The following DNM3 variants were observed in gnomAD, a reference collection of about 807,000 sequenced individuals.
The protein encoded by DNM3 is dynamin 3.
DNM3 carries 47 observed loss-of-function variants against 101.6 expected under a neutral mutation model. That is an observed-to-expected ratio of 0.46 (90% CI 0.37 to 0.59). DNM3 has a LOEUF of 0.59. DNM3 is among the 20% of genes least tolerant of loss of function. DNM3 has a pLI of 0.00. For synonymous variants in DNM3, 385 were observed against 387.9 expected (o/e 0.99, Z 0.09); for missense variants, 849 against 1,085.7 (o/e 0.78, Z 3.06).
Position 172,133,135 on chromosome 1 carries a change from ACT to A in DNM3, c.1659+1850_1659+1851del, listed in dbSNP as rs2057030862. Reference sequence around the variant, plus strand: ...GGTGTTAGCAGCAGAGACACTGAAGACTCTGGAGTAGCTACTGCTGTTGGAGT... The same window carrying A: ...GGTGTTAGCAGCAGAGACACTGAAGACTGGAGTAGCTACTGCTGTTGGAGT... On this transcript the variant is annotated intron_variant, in intron 14 of 20. Transcript: ENST00000627582. 2 of 1,384,620 alleles carry A rather than the reference ACT, an allele frequency of 1.4e-6. 1 individual carries two copies. Among genetic ancestry groups the A allele is most frequent in the East Asian group, 5.4e-5 (2 of 37,188 alleles). The allele number at this position is 1,384,620 out of a possible 1,614,324, so 85.8% of individuals were successfully genotyped here.
At chr1:171,865,515 C>CAAAAAAAAAAAAAAAA (rs57826674) in intron 1 of DNM3, among the ~76,000 whole-genome samples, 3 of 80,664 alleles carry the variant, frequency 3.7e-5, no homozygotes, top group Non-Finnish European at 7.0e-5. Context: ...GATCCTGTCT[C>CAAAAAAAAAAAAAAAA]AAAAAAAAAA....
intron 14 of DNM3, among the ~76,000 whole-genome samples, chr1:172,197,671 C>T (rs1170721404): frequency 6.6e-6 from 1 of 151,716 alleles, no homozygotes; most frequent in Non-Finnish European, 1.5e-5. Flanking sequence ...TTTTGTGGCA[C>T]TTATGAATGG....
downstream of DNM3, among the ~76,000 whole-genome samples, chr1:172,413,216 T>G (rs1186374181): frequency 1.3e-5 from 2 of 152,116 alleles, no homozygotes; most frequent in Non-Finnish European, 2.9e-5. Context: ...CCTTTCAGTT[T>G]CCCCAGTTTT....
chr1:172,308,532 T>A (rs1165547336), intron 15 of DNM3, among the ~76,000 whole-genome samples, 196 bp from the exon 16 acceptor site: 1 of 152,078 alleles, frequency 6.6e-6, no homozygotes, highest in Non-Finnish European at 1.5e-5. Context: ...ATGTGATTTT[T>A]TAAAAAATTA....
chr1:172,109,742 G>T (rs2055320979), intron 13 of DNM3, among the ~76,000 whole-genome samples: 1 of 152,148 alleles, frequency 6.6e-6, no homozygotes, highest in Non-Finnish European at 1.5e-5. Context: ...CAGAATGCCT[G>T]TTACTTATAT....
intron 4 of DNM3, among the ~76,000 whole-genome samples, chr1:172,018,758 G>A (rs887870182): frequency 3.9e-5 from 6 of 152,138 alleles, no homozygotes; most frequent in African/African-American, 1.4e-4. Context: ...TTATCTGTTA[G>A]ATCAATTAAG....
chr1:172,301,879 G>T (rs2064469823), intron 15 of DNM3, among the ~76,000 whole-genome samples: 1 of 152,152 alleles, frequency 6.6e-6, no homozygotes, highest in South Asian at 2.1e-4. Flanking sequence ...TAGGTACAAT[G>T]AAAGGGTATA....
intron 2 of DNM3, among the ~76,000 whole-genome samples, chr1:171,940,390 T>C (rs2041732529): frequency 6.6e-6 from 1 of 152,190 alleles, no homozygotes; most frequent in Non-Finnish European, 1.5e-5. Flanking sequence ...AACAGAGAGG[T>C]TGCCAGTTTG....
chr1:172,133,071 A>G, intron 14 of DNM3: 1 of 1,450,666 alleles, frequency 6.9e-7, no homozygotes, highest in Non-Finnish European at 9.0e-7. Flanking sequence ...AGGACTTATG[A>G]AGATGAATTC....
At chr1:172,025,993 T>A (rs540606885) in intron 4 of DNM3, among the ~76,000 whole-genome samples, 12 of 152,072 alleles carry the variant, frequency 7.9e-5, no homozygotes, top group African/African-American at 2.9e-4. Flanking sequence ...ACAAGGTGGG[T>A]AATAACAAAC....
intron 14 of DNM3, among the ~76,000 whole-genome samples, chr1:172,236,041 G>A (rs146138397): frequency 3.9e-5 from 6 of 152,238 alleles, no homozygotes; most frequent in East Asian, 1.9e-4. Flanking sequence ...CCATACAGGC[G>A]TATGCCAAAT....
At chr1:171,902,671 T>C (rs956944249) in intron 1 of DNM3, among the ~76,000 whole-genome samples, 3 of 152,144 alleles carry the variant, frequency 2.0e-5, no homozygotes, top group Non-Finnish European at 4.4e-5. Flanking sequence ...CCGTCTTTTA[T>C]GTTGAAATTC....
chr1:172,051,378 A>T (rs529888100), intron 10 of DNM3, among the ~76,000 whole-genome samples: 1 of 152,182 alleles, frequency 6.6e-6, no homozygotes, highest in East Asian at 1.9e-4. Context: ...TTTCCTCTCC[A>T]TACCCAATTC....
At chr1:171,921,849 G>C (rs2040197334) in intron 2 of DNM3, 28 bp downstream of exon 2, 1 of 1,573,314 alleles carries the variant, frequency 6.4e-7, no homozygotes, top group Non-Finnish European at 8.7e-7. Flanking sequence ...TTACCGCATG[G>C]ATGGGCACAT....
chr1:172,229,439 A>G (rs1056600177), intron 14 of DNM3, among the ~76,000 whole-genome samples: 2 of 152,210 alleles, frequency 1.3e-5, no homozygotes, highest in Non-Finnish European at 2.9e-5. Flanking sequence ...TGTCTAATTA[A>G]GTAGCATTTA....
chr1:172,346,126 A>G (rs1367439003), intron 17 of DNM3, among the ~76,000 whole-genome samples: 1 of 149,634 alleles, frequency 6.7e-6, no homozygotes, highest in African/African-American at 2.5e-5. Context: ...CCGTCTCAAA[A>G]AAAAAAAAAA....
At chr1:172,295,692 T>A (rs901687977) in intron 15 of DNM3, among the ~76,000 whole-genome samples, 1 of 152,170 alleles carries the variant, frequency 6.6e-6, no homozygotes, top group African/African-American at 2.4e-5. Context: ...CAGCAAATTG[T>A]ATCTCAAAAT....
intron 1 of DNM3, among the ~76,000 whole-genome samples, chr1:171,855,030 T>A (rs2033444691): frequency 6.6e-6 from 1 of 152,108 alleles, no homozygotes; most frequent in African/African-American, 2.4e-5. Flanking sequence ...CTCTCCCTTC[T>A]CCCACCCTTC....
chr1:172,391,244 C>A (rs2069511317), intron 20 of DNM3, among the ~76,000 whole-genome samples: 1 of 151,950 alleles, frequency 6.6e-6, no homozygotes, highest in South Asian at 2.1e-4. Flanking sequence ...AATGAAAGTA[C>A]AGGGTAAAAG....
Sources: gnomAD v4.1 joint callset for allele counts (sites outside exome capture counted in the v4.1 genomes callset) on GRCh38, gnomAD v4.1.1 for gene constraint, MANE v1.5 for transcripts, NCBI Gene and HGNC (gene_info 2026-07-23, HGNC 2026-07-21) for gene names.